The following SDK1 variants were observed in gnomAD, a reference collection of about 807,000 sequenced individuals.
The protein encoded by SDK1 is sidekick cell adhesion molecule 1.
A neutral mutation model predicts 245.5 loss-of-function variants in SDK1; 157 were observed. The observed-to-expected ratio is 0.64, with a 90% CI of 0.56 to 0.73. SDK1 has a LOEUF of 0.73. Ranked by LOEUF, SDK1 falls within the 30% of genes least tolerant of loss-of-function variation. SDK1 has a pLI of 0.00. For missense variants in SDK1, 3,583 were observed against 3,002.3 expected (o/e 1.19, Z -4.52); for synonymous variants, 1,647 against 1,278.5 (o/e 1.29, Z -6.15).
At chr7:3,452,184 T>C (rs1780534452) in intron 1 of SDK1, among the ~76,000 whole-genome samples, 1 of 152,236 alleles carries the variant, frequency 6.6e-6, no homozygotes, top group Non-Finnish European at 1.5e-5. Context: ...TCGTGTCAGC[T>C]TTCTTTAGGA....
chr7:3,508,574 C>T (rs185265117), intron 1 of SDK1, among the ~76,000 whole-genome samples: 88 of 152,180 alleles, frequency 5.8e-4, no homozygotes, highest in African/African-American at 2.0e-3. Flanking sequence ...ATGATATACC[C>T]GCCTGGGCCT....
chr7:3,394,986 GTCTTT>G (rs912280062), intron 1 of SDK1, among the ~76,000 whole-genome samples: 4 of 151,882 alleles, frequency 2.6e-5, no homozygotes, highest in African/African-American at 9.7e-5. Context: ...CAAACCGAAT[GTCTTT>G]TATTTGTTTT....
rs1781848273 is a variant in SDK1, at chr7:3,903,172, G to A, written c.848-47751G>A. Among the ~76,000 whole-genome samples the A allele has an allele frequency of 2.0e-5, 3 of 147,072 alleles. 1 individual carries two copies. The highest frequency in any genetic ancestry group is 4.0e-4 in the East Asian group (2 of 4,946). ...TTGTTTTTTTTTTTTTGAGACAGACGAGACTCCGTCGCTCAGGCTAGAGTG... is the reference window on the plus strand; with the variant it reads ...TTGTTTTTTTTTTTTTGAGACAGACAAGACTCCGTCGCTCAGGCTAGAGTG... On this transcript the variant is annotated intron_variant, in intron 5 of 44. Transcript: ENST00000404826.
intron 25 of SDK1, among the ~76,000 whole-genome samples, chr7:4,121,523 G>A (rs1053131623): frequency 3.3e-5 from 5 of 152,238 alleles, no homozygotes; most frequent in East Asian, 1.9e-4. Flanking sequence ...CTTCCATCAC[G>A]ATTGTAATCC....
chr7:3,866,212 T>C (rs980442828), intron 5 of SDK1, among the ~76,000 whole-genome samples: 3 of 152,256 alleles, frequency 2.0e-5, no homozygotes, highest in African/African-American at 7.2e-5. Flanking sequence ...ACTGAAGAGC[T>C]GATTCACTTA....
At chr7:3,513,111 A>G (rs1169379700) in intron 1 of SDK1, among the ~76,000 whole-genome samples, 1 of 152,170 alleles carries the variant, frequency 6.6e-6, no homozygotes, top group African/African-American at 2.4e-5. Flanking sequence ...TCCAATGTTT[A>G]TATTAATAAA....
intron 5 of SDK1, among the ~76,000 whole-genome samples, chr7:3,925,635 G>T (rs551609911): frequency 6.6e-6 from 1 of 152,328 alleles, no homozygotes; most frequent in African/African-American, 2.4e-5. Flanking sequence ...ACCCTGCAGT[G>T]GGCAGGCAGC....
intron 18 of SDK1, among the ~76,000 whole-genome samples, chr7:4,050,339 G>C (rs561408776): frequency 3.3e-5 from 5 of 152,156 alleles, no homozygotes; most frequent in Admixed American, 3.3e-4. Flanking sequence ...CCTGCCTTTC[G>C]TTTACCCTCA....
intron 4 of SDK1, among the ~76,000 whole-genome samples, chr7:3,662,200 G>A (rs531521334): frequency 2.0e-5 from 3 of 152,076 alleles, no homozygotes; most frequent in African/African-American, 7.2e-5. Flanking sequence ...ATAACAATAG[G>A]TAAAATGGAA....
chr7:3,465,528 C>A (rs1780971616), intron 1 of SDK1, among the ~76,000 whole-genome samples: 1 of 152,164 alleles, frequency 6.6e-6, no homozygotes, highest in African/African-American at 2.4e-5. Context: ...GCTTCCTTTT[C>A]TTCCTTGAAT....
intron 5 of SDK1, among the ~76,000 whole-genome samples, chr7:3,904,940 T>C (rs1454966979): frequency 2.7e-5 from 4 of 148,226 alleles, no homozygotes; most frequent in Non-Finnish European, 4.5e-5. Context: ...TTTCAGTGAG[T>C]GGAGATCGCG....
chr7:3,637,296 C>T (rs1782490498), intron 2 of SDK1, among the ~76,000 whole-genome samples: 1 of 152,128 alleles, frequency 6.6e-6, no homozygotes, highest in Admixed American at 6.5e-5. Flanking sequence ...TGGGTTTCAC[C>T]ATGTTGGCTA....
At chr7:3,851,807 C>T (rs541583782) in intron 5 of SDK1, among the ~76,000 whole-genome samples, 57 of 152,254 alleles carry the variant, frequency 3.7e-4, no homozygotes, top group Non-Finnish European at 6.3e-4. Context: ...TAAATAGCTT[C>T]AGACATCCCT....
intron 30 of SDK1, 80 bp from the exon 31 acceptor site, chr7:4,158,368 T>A: frequency 8.4e-7 from 1 of 1,186,476 alleles, no homozygotes; most frequent in East Asian, 2.4e-5. Context: ...TTGCCCCTCT[T>A]CCCAGGGCTT....
rs538908008 is a variant in SDK1 at position 3,657,541 on chromosome 7, T to G, written c.713+15436T>G. Among the ~76,000 whole-genome samples the G allele has an allele frequency of 1.7e-4, 26 of 152,296 alleles. No individual in the cohort carries two copies. In the South Asian group the frequency reaches 5.4e-3, roughly 32 times the overall value. On this transcript the variant is annotated intron_variant, in intron 4 of 44. Coordinates refer to ENST00000404826, the MANE Select transcript of SDK1 (RefSeq NM_152744.4). ...AGGAAGAGGGACTGTGAGAGCCAGC[T>G]GTGCTCTCTCGTCACTTTCTGCCTG...
chr7:4,202,325 A>G lies in SDK1; in HGVS notation c.5099-3554A>G, dbSNP rs554198190. The stretch of plus-strand genomic sequence containing the variant: ...ACAACCTCCAAGGGCTGGTCCCACC[A>G]GTAGTGCTGGTCCCTCCCGCTGCCG... On this transcript the variant is annotated intron_variant, in intron 35 of 44. Coordinates refer to ENST00000404826, the MANE Select transcript of SDK1 (RefSeq NM_152744.4). Among the ~76,000 whole-genome samples the G allele has an allele frequency of 6.1e-4, 93 of 152,316 alleles. 1 individual carries two copies. The South Asian group carries it at 0.019, about 31-fold the overall frequency.
At chr7:3,993,949 C>G (rs1226106128) in intron 14 of SDK1, among the ~76,000 whole-genome samples, 1 of 152,190 alleles carries the variant, frequency 6.6e-6, no homozygotes, top group African/African-American at 2.4e-5. Flanking sequence ...TCACTCTCCC[C>G]ACACAGACCT....
chr7:4,056,258 T>G (rs1292889276), intron 19 of SDK1, among the ~76,000 whole-genome samples: 1 of 151,988 alleles, frequency 6.6e-6, no homozygotes, highest in Non-Finnish European at 1.5e-5. Context: ...ATGTCAAATA[T>G]CACATTAAAA....
Position 3,337,473 on chromosome 7 carries a change from AT to A in SDK1, c.298+35590del, listed in dbSNP as rs1422876749. 3.3e-5 allele frequency among the ~76,000 whole-genome samples: 5 copies of A among 152,178 alleles called. No individual in the cohort carries two copies. In the South Asian group the frequency reaches 6.2e-4, roughly 19 times the overall value. ...AATAGAGTGGGACCAAAAAAAAAAA[AT>A]CTGAAGAAATAATCTGACTATAATT... On this transcript the variant is annotated intron_variant, in intron 1 of 44. Coordinates refer to ENST00000404826, the MANE Select transcript of SDK1 (RefSeq NM_152744.4).
Sources: gnomAD v4.1 joint callset for allele counts (sites outside exome capture counted in the v4.1 genomes callset) on GRCh38, gnomAD v4.1.1 for gene constraint, MANE v1.5 for transcripts, NCBI Gene and HGNC (gene_info 2026-07-23, HGNC 2026-07-21) for gene names.